The following HHIP variants were observed in gnomAD, a reference collection of about 807,000 sequenced individuals.
The protein encoded by HHIP is hedgehog interacting protein.
In HHIP, 12 loss-of-function variants were observed where a neutral mutation model predicts 74.0. The ratio of observed to expected loss-of-function variants is 0.16; its 90% CI spans 0.10 to 0.26. HHIP has a LOEUF of 0.26. Ranked by LOEUF, HHIP falls within the 10% of genes least tolerant of loss-of-function variation. The probability of loss-of-function intolerance (pLI) is 1.00; values close to 1 mark genes in which losing one functional copy is unlikely to be tolerated. For synonymous variants in HHIP, 309 were observed against 311.6 expected, an observed-to-expected ratio of 0.99 and a Z score of 0.09; for missense variants, 788 against 845.0, an observed-to-expected ratio of 0.93 and a Z score of 0.84.
At chr4:144,677,832 T>G (rs930859661) in intron 4 of HHIP, among the ~76,000 whole-genome samples, 1 of 152,154 alleles carries the variant, frequency 6.6e-6, no homozygotes, top group Admixed American at 6.5e-5. Context: ...GTGTGCCTAA[T>G]TAGATGGTAT....
At chr4:144,693,239 T>A (rs939691759) in intron 4 of HHIP, among the ~76,000 whole-genome samples, 6 of 152,082 alleles carry the variant, frequency 3.9e-5, no homozygotes, top group Admixed American at 1.3e-4. Context: ...CCATCAGTTT[T>A]TTTTTTCAAA....
At chr4:144,685,994 G>A (rs949597785) in intron 4 of HHIP, among the ~76,000 whole-genome samples, 1 of 152,136 alleles carries the variant, frequency 6.6e-6, no homozygotes, top group East Asian at 1.9e-4. Context: ...TTGGGTGGTC[G>A]AATGAGGCAA....
intron 4 of HHIP, among the ~76,000 whole-genome samples, chr4:144,680,143 T>A (rs1164836893): frequency 6.6e-6 from 1 of 152,204 alleles, no homozygotes; most frequent in Non-Finnish European, 1.5e-5. Context: ...GTCTTACATG[T>A]CTGAGTTTTA....
At chr4:144,703,679 T>C (rs542622775) in intron 4 of HHIP, among the ~76,000 whole-genome samples, 31 of 152,076 alleles carry the variant, frequency 2.0e-4, no homozygotes, top group Non-Finnish European at 3.7e-4. Flanking sequence ...GGGACTAAGA[T>C]AATAGAAGGA....
chr4:144,707,546 G>A (rs1319613381), intron 6 of HHIP, among the ~76,000 whole-genome samples: 1 of 148,822 alleles, frequency 6.7e-6, no homozygotes, highest in Non-Finnish European at 1.5e-5. Flanking sequence ...CAACCATACT[G>A]CCTCTCAACA....
chr4:144,681,791 C>A (rs918097676), intron 4 of HHIP, among the ~76,000 whole-genome samples: 1 of 152,198 alleles, frequency 6.6e-6, no homozygotes, highest in Non-Finnish European at 1.5e-5. Context: ...AATCAGATTT[C>A]ATCATCACCT....
rs140739065 is a variant in HHIP at position 144,706,809 on chromosome 4, C to T, written c.983+127C>T. Reference sequence around the variant, plus strand: ...GGTGGCAATAATTAAATCATTACCTCCATCTTGCTGAAAACTCCATATGTG... The same window carrying T: ...GGTGGCAATAATTAAATCATTACCTTCATCTTGCTGAAAACTCCATATGTG... On this transcript the variant is annotated intron_variant, in intron 5 of 12. Coordinates refer to ENST00000296575, the MANE Select transcript of HHIP (RefSeq NM_022475.3). The T allele has an allele frequency of 4.2e-4, 353 of 836,890 alleles. 2 individuals carry two copies. In the African/African-American group the frequency reaches 5.9e-3, roughly 14 times the overall value. The allele number at this position is 836,890 out of a possible 1,614,324, so 51.8% of individuals were successfully genotyped here.
In HHIP at chr4:144,742,889, AT is replaced by A. The variant is rs1731291836; in HGVS notation, c.*4933del. 1.6e-5 allele frequency: 2 copies of A among 128,728 alleles called. No homozygotes were observed. The highest frequency in any genetic ancestry group is 3.2e-5 in the Non-Finnish European group (2 of 62,896). 8.0% of individuals were successfully genotyped at this position (128,728 alleles called of 1,614,324 possible). A position where few individuals can be genotyped will look rare whatever the true frequency, so the allele number is the denominator to read the frequency against. ...ATATATATCTTTTTATATATATCTT[AT>A]ATATATATCTTTTTATATATATCTT... On this transcript the variant is annotated 3_prime_UTR_variant, in exon 13 of 13. Coordinates refer to ENST00000296575, the MANE Select transcript of HHIP (RefSeq NM_022475.3).
intron 8 of HHIP, among the ~76,000 whole-genome samples, chr4:144,712,913 C>A (rs146916279): frequency 1.4e-5 from 2 of 141,756 alleles, no homozygotes; most frequent in Admixed American, 7.1e-5. Flanking sequence ...TGTGTGCACG[C>A]GCATCTTTTA....
At position 144,739,043 on chromosome 4, in the gene HHIP, A is replaced by G. The variant is rs1173439832; in HGVS notation, c.*1086A>G. 6.6e-6 allele frequency: 1 copy of G among 152,352 alleles called. No homozygotes were observed. The highest frequency in any genetic ancestry group is 1.9e-4 in the East Asian group (1 of 5,190). The allele number at this position is 152,352 out of a possible 1,614,324, so 9.4% of individuals were successfully genotyped here. A position where few individuals can be genotyped will look rare whatever the true frequency, so the allele number is the denominator to read the frequency against. On this transcript the variant is annotated 3_prime_UTR_variant, in exon 13 of 13. Coordinates refer to ENST00000296575, the MANE Select transcript of HHIP (RefSeq NM_022475.3). ...ACTGGAGAAGAGCTCACTTGTTTTT[A>G]AAAATCTTGGCTATGTAAGCTGTCA...
intron 4 of HHIP, among the ~76,000 whole-genome samples, chr4:144,665,204 G>A (rs553583484): frequency 1.3e-5 from 2 of 152,068 alleles, no homozygotes; most frequent in Non-Finnish European, 2.9e-5. Flanking sequence ...GAGTAGCTGG[G>A]ATTACAGGCA....
chr4:144,718,587 C>A (rs970987546), intron 10 of HHIP, among the ~76,000 whole-genome samples: 1 of 152,104 alleles, frequency 6.6e-6, no homozygotes, highest in African/African-American at 2.4e-5. Flanking sequence ...CACAGAAGAA[C>A]AAGAGTGGCA....
rs114629665 is a variant in HHIP at position 144,675,681 on chromosome 4, T to C, written c.831+15843T>C. ...TTAAAAAACATTTCATATGTATATA[T>C]ACATATGTGTGTGTATATATATGCA... On this transcript the variant is annotated intron_variant, in intron 4 of 12. Transcript: ENST00000296575. 5.4e-3 allele frequency among the ~76,000 whole-genome samples: 818 copies of C among 152,262 alleles called. 8 individuals carry two copies. The highest frequency in any genetic ancestry group is 0.019 in the African/African-American group (798 of 41,560).
chr4:144,730,796 T>C (rs1236262522), intron 11 of HHIP, among the ~76,000 whole-genome samples: 4 of 152,142 alleles, frequency 2.6e-5, no homozygotes, highest in African/African-American at 9.7e-5. Context: ...AAGGGCCCTG[T>C]TCTTTTCAGT....
At chr4:144,717,208 T>C (rs925540457) in intron 10 of HHIP, among the ~76,000 whole-genome samples, 1 of 152,132 alleles carries the variant, frequency 6.6e-6, no homozygotes, top group Non-Finnish European at 1.5e-5. Flanking sequence ...TATAAGAAAA[T>C]GAGTAAGTTT....
chr4:144,715,161 G>C (rs1730410957), intron 9 of HHIP, 139 bp from the exon 10 acceptor site: 1 of 689,462 alleles, frequency 1.5e-6, no homozygotes, highest in Non-Finnish European at 2.4e-6. Flanking sequence ...ACACGTTATG[G>C]GCTATGTTAT....
At chr4:144,685,937 T>G (rs919983843) in intron 4 of HHIP, among the ~76,000 whole-genome samples, 1 of 152,216 alleles carries the variant, frequency 6.6e-6, no homozygotes, top group African/African-American at 2.4e-5. Context: ...CTGTTTGACC[T>G]TTGTATAAAG....
At chr4:144,681,351 TA>T (rs927664890) in intron 4 of HHIP, among the ~76,000 whole-genome samples, 6 of 145,372 alleles carry the variant, frequency 4.1e-5, no homozygotes, top group East Asian at 2.0e-4. Flanking sequence ...GCACTAAACA[TA>T]AAAAAAAAGC....
chr4:144,705,987 T>C (rs1324446948), intron 4 of HHIP, among the ~76,000 whole-genome samples: 1 of 152,230 alleles, frequency 6.6e-6, no homozygotes, highest in African/African-American at 2.4e-5. Context: ...CTAGCTATGA[T>C]GAACAGACCA....
Sources: allele counts gnomAD v4.1 joint callset (sites outside exome capture counted in the v4.1 genomes callset), GRCh38; gene constraint gnomAD v4.1.1; transcripts MANE v1.5; gene names NCBI Gene and HGNC (gene_info 2026-07-23, HGNC 2026-07-21).